IDE: variants seen among roughly 807,000 people sequenced by gnomAD.
IDE encodes the protein insulin-degrading enzyme.
A neutral mutation model predicts 133.2 loss-of-function variants in IDE; 58 were observed. The observed-to-expected ratio is 0.44, with a 90% CI of 0.35 to 0.54. The LOEUF is 0.54. Among genes scored for constraint, IDE ranks in the 20% least tolerant of loss-of-function variants. The pLI is 0.00. For synonymous variants in IDE, 396 were observed against 421.3 expected (o/e 0.94, Z 0.73); for missense variants, 981 against 1,234.0 (o/e 0.79, Z 3.07).
chr10:92,484,590 G>A (rs1846854043), intron 13 of IDE, among the ~76,000 whole-genome samples: 1 of 151,960 alleles, frequency 6.6e-6, no homozygotes, highest in Admixed American at 6.6e-5. Flanking sequence ...AAAATTAGTT[G>A]GGCATGGTGG....
chr10:92,530,831 C>T (rs1849883673), intron 4 of IDE, among the ~76,000 whole-genome samples: 1 of 152,144 alleles, frequency 6.6e-6, no homozygotes, highest in Non-Finnish European at 1.5e-5. Flanking sequence ...ATTTCTCTGA[C>T]TGCTGTTGGA....
In IDE at chr10:92,548,010, C is replaced by A. The variant is rs868002553; in HGVS notation, c.99-10460G>T. Among the ~76,000 whole-genome samples, 131 of 152,202 alleles carry A rather than the reference C, an allele frequency of 8.6e-4. 1 individual carries two copies. The highest frequency in any genetic ancestry group is 3.1e-3 in the African/African-American group (128 of 41,550). Reference sequence around the variant, plus strand: ...AAGCGATCCTCCCATCTCAGCCTCCCAAGTAGGATGGTGTGCCATCGTGCC... The same window carrying A: ...AAGCGATCCTCCCATCTCAGCCTCCAAAGTAGGATGGTGTGCCATCGTGCC... On this transcript the variant is annotated intron_variant, in intron 1 of 24. Coordinates refer to ENST00000265986, the MANE Select transcript of IDE (RefSeq NM_004969.4).
At position 92,479,291 on chromosome 10, in the gene IDE, T is replaced by C. The variant is rs1277293098; in HGVS notation, c.1870A>G (p.Ile624Val). The C allele has an allele frequency of 4.3e-6, 7 of 1,611,332 alleles. No homozygotes were observed. In the African/African-American group the frequency reaches 6.7e-5, roughly 15 times the overall value. Reference sequence around the variant, plus strand: ...TGGGTACTTACATACATCCCATAGATGGTATTTTGGAGATCATAGCTCAAG... The same window carrying C: ...TGGGTACTTACATACATCCCATAGACGGTATTTTGGAGATCATAGCTCAAG... ...AGLSYDLQNT[I>V]YGMYLSVKGY... Residue 624 changes from isoleucine (I) to valine (V), a missense_variant, in exon 15 of 25, where the codon ATC (isoleucine) becomes GTC (valine). This residue lies in a region of IDE where 660 missense variants were observed against 894.7 expected (regional missense o/e 0.74). Transcript: ENST00000265986.
At chr10:92,538,484 C>G (rs1393480217) in intron 1 of IDE, among the ~76,000 whole-genome samples, 1 of 152,184 alleles carries the variant, frequency 6.6e-6, no homozygotes, top group Non-Finnish European at 1.5e-5. Flanking sequence ...GTTGGAAGGA[C>G]CCCAAGTATT....
chr10:92,553,061 C>T (rs1013166144), intron 1 of IDE, among the ~76,000 whole-genome samples: 2 of 151,612 alleles, frequency 1.3e-5, no homozygotes, highest in East Asian at 3.9e-4. Context: ...AAACAAAGAA[C>T]GATAGTACTG....
intron 15 of IDE, 100 bp downstream of exon 15, chr10:92,479,172 TAAAAA>T: frequency 3.2e-6 from 2 of 628,986 alleles, no homozygotes; most frequent in Non-Finnish European, 5.1e-6. Flanking sequence ...CCATAAAGAT[TAAAAA>T]AAAAAGAAAT....
rs373031870 is a variant in IDE at position 92,526,955 on chromosome 10, G to C, written c.661+4793C>G. On this transcript the variant is annotated intron_variant, in intron 4 of 24. Transcript: ENST00000265986. ...CTGCCTCAGCCTCCTGAGAAGCTGC[G>C]ATTACAGGTGCATACCACCACATCT... Among the ~76,000 whole-genome samples, 17 of 151,624 alleles carry C rather than the reference G, an allele frequency of 1.1e-4. No individual in the cohort carries two copies. The East Asian group carries it at 3.1e-3, about 28-fold the overall frequency.
intron 13 of IDE, among the ~76,000 whole-genome samples, chr10:92,486,096 C>T (rs944828400): frequency 6.6e-6 from 1 of 152,110 alleles, no homozygotes; most frequent in Admixed American, 6.5e-5. Flanking sequence ...TGCCTCTAAT[C>T]CCAGCACTTT....
At chr10:92,524,326 T>A (rs541567487) in intron 4 of IDE, among the ~76,000 whole-genome samples, 2 of 66,238 alleles carry the variant, frequency 3.0e-5, no homozygotes, top group African/African-American at 1.2e-4. Context: ...TATAATATAT[T>A]ATTATATATA....
chr10:92,572,128 A>G (rs537311165), intron 1 of IDE, among the ~76,000 whole-genome samples: 2 of 152,372 alleles, frequency 1.3e-5, no homozygotes, highest in Middle Eastern at 3.4e-3. Context: ...TTATAACTAC[A>G]GAGAAAATGT....
intron 18 of IDE, 70 bp from the exon 19 acceptor site, chr10:92,469,060 T>A: frequency 1.2e-6 from 1 of 862,652 alleles, no homozygotes; most frequent in Non-Finnish European, 1.9e-6. Context: ...ATAAACTGGC[T>A]TTGTTTATCA....
chr10:92,556,257 A>G (rs1380752498), intron 1 of IDE, among the ~76,000 whole-genome samples: 2 of 152,096 alleles, frequency 1.3e-5, no homozygotes, highest in Admixed American at 6.6e-5. Flanking sequence ...GAATATAAAA[A>G]TATCAATTGT....
At chr10:92,505,159 A>G (rs1416365384) in intron 10 of IDE, among the ~76,000 whole-genome samples, 1 of 152,184 alleles carries the variant, frequency 6.6e-6, no homozygotes, top group Non-Finnish European at 1.5e-5. Context: ...GCAAAATCAC[A>G]TTTCTTTCGG....
chr10:92,557,021 G>C (rs1191868360), intron 1 of IDE, among the ~76,000 whole-genome samples: 2 of 151,920 alleles, frequency 1.3e-5, no homozygotes, highest in African/African-American at 4.8e-5. Flanking sequence ...TGGGAAGACA[G>C]TATTTTTAAG....
At chr10:92,563,408 C>T (rs555431240) in intron 1 of IDE, among the ~76,000 whole-genome samples, 3 of 151,060 alleles carry the variant, frequency 2.0e-5, no homozygotes, top group Admixed American at 6.6e-5. Context: ...GCCAAGATTG[C>T]ACCATTGCAC....
intron 4 of IDE, among the ~76,000 whole-genome samples, chr10:92,530,865 T>TA (rs1240808826): frequency 4.6e-5 from 7 of 152,222 alleles, no homozygotes; most frequent in Non-Finnish European, 7.3e-5. Context: ...TATCCAAACT[T>TA]AAAGAAAGTT....
chr10:92,530,453 T>C (rs1294996536), intron 4 of IDE, among the ~76,000 whole-genome samples: 5 of 151,390 alleles, frequency 3.3e-5, no homozygotes, highest in African/African-American at 1.2e-4. Context: ...GCCTGGCTAA[T>C]TATTTTATTT....
Position 92,573,914 on chromosome 10 carries a change from C to A in IDE, c.98+8G>T. ...GGCCCGAGGGCCCGGGCGCTCCATT[C>A]CGCTTACCCACACAGGCGCTCCGGA... On this transcript the variant is annotated splice_region_variant and intron_variant, in intron 1 of 24. Coordinates refer to ENST00000265986, the MANE Select transcript of IDE (RefSeq NM_004969.4). The A allele has an allele frequency of 6.9e-7, 1 of 1,457,090 alleles. No homozygotes were observed. Among genetic ancestry groups the A allele is most frequent in the Admixed American group, 3.3e-5 (1 of 30,712 alleles). The allele number at this position is 1,457,090 out of a possible 1,614,324, so 90.3% of individuals were successfully genotyped here. A position where few individuals can be genotyped will look rare whatever the true frequency, so the allele number is the denominator to read the frequency against.
chr10:92,492,291 G>A (rs182843409), intron 11 of IDE, among the ~76,000 whole-genome samples: 1 of 151,948 alleles, frequency 6.6e-6, no homozygotes, highest in African/African-American at 2.4e-5. Context: ...AAGTGTTCAA[G>A]GAGGGAAGGC....
Sources: gnomAD v4.1 joint callset for allele counts (sites outside exome capture counted in the v4.1 genomes callset) on GRCh38, gnomAD v4.1.1 for gene constraint, gnomAD v4.1.1 regional missense constraint, MANE v1.5 for transcripts, NCBI Gene and HGNC (gene_info 2026-07-23, HGNC 2026-07-21) for gene names.